Variants in SCAPER observed in about 807,000 individuals in gnomAD.
SCAPER encodes the protein S-phase cyclin A associated protein in the ER.
In SCAPER, 98 loss-of-function variants were observed where a neutral mutation model predicts 182.2. That is an observed-to-expected ratio of 0.54 (90% CI 0.46 to 0.64). The LOEUF (loss-of-function observed/expected upper bound fraction) is 0.64, where lower values mean the gene tolerates loss of function less well. Among genes scored for constraint, SCAPER ranks in the 30% least tolerant of loss-of-function variants. The pLI, the probability that SCAPER is intolerant of heterozygous loss-of-function variation, is 0.00. For synonymous variants in SCAPER, 605 were observed against 564.6 expected (o/e 1.07, Z -1.01); for missense variants, 1,432 against 1,690.0 (o/e 0.85, Z 2.68).
chr15:76,626,586 G>A (rs1337971062), intron 21 of SCAPER, among the ~76,000 whole-genome samples: 1 of 152,044 alleles, frequency 6.6e-6, no homozygotes, highest in Non-Finnish European at 1.5e-5. Context: ...GTGTGGTGGC[G>A]CACGCCTGTA....
chr15:76,574,235 T>A lies in SCAPER; in HGVS notation c.2761A>T (p.Ser921Cys). 1.2e-6 allele frequency: 2 copies of A among 1,611,986 alleles called. No individual in the cohort carries two copies. Among genetic ancestry groups the A allele is most frequent in the Non-Finnish European group, 1.7e-6 (2 of 1,179,010 alleles). The change falls in exon 23 of 32, where the codon AGT becomes TGT. Residue 921 changes from serine to cysteine, a missense_variant. Ser to Cys is a moderately radical substitution (Grantham distance 112, BLOSUM62 -1). This residue lies in a region of SCAPER where 718 missense variants were observed against 799.7 expected (regional missense o/e 0.90). Transcript: ENST00000563290. ...DLLKQVQVQDSGSWANNKVSA... is the reference protein window; with the variant it reads ...DLLKQVQVQDCGSWANNKVSA... ...ACTTTATTGTTTGCCCATGAGCCACTGTCTTGAACTTGTACTTGTTTTAGA... is the reference window on the plus strand; with the variant it reads ...ACTTTATTGTTTGCCCATGAGCCACAGTCTTGAACTTGTACTTGTTTTAGA...
intron 27 of SCAPER, among the ~76,000 whole-genome samples, chr15:76,398,834 T>C (rs1208942217): frequency 6.6e-6 from 1 of 152,250 alleles, no homozygotes; most frequent in Non-Finnish European, 1.5e-5. Flanking sequence ...GTTGTAAGGA[T>C]TGCAAACTCT....
chr15:76,700,152 C>T (rs1011151995), intron 20 of SCAPER, among the ~76,000 whole-genome samples: 2 of 152,168 alleles, frequency 1.3e-5, no homozygotes, highest in Admixed American at 6.5e-5. Flanking sequence ...CCAGAGTGCT[C>T]GGATTACACT....
intron 20 of SCAPER, among the ~76,000 whole-genome samples, chr15:76,694,703 C>T (rs2058560915): frequency 1.3e-5 from 2 of 151,696 alleles, no homozygotes; most frequent in South Asian, 4.2e-4. Flanking sequence ...GCAACATGTT[C>T]CCAGGAATAA....
chr15:76,661,291 G>T (rs938968408), intron 21 of SCAPER, among the ~76,000 whole-genome samples: 2 of 151,856 alleles, frequency 1.3e-5, no homozygotes, highest in Non-Finnish European at 2.9e-5. Context: ...TGATGAAATC[G>T]CCAAAAGCAA....
intron 25 of SCAPER, among the ~76,000 whole-genome samples, chr15:76,455,364 G>A (rs1469863771): frequency 6.6e-6 from 1 of 152,192 alleles, no homozygotes; most frequent in African/African-American, 2.4e-5. Flanking sequence ...ATTTCTAAAT[G>A]TATATATGGA....
At chr15:76,356,814 C>A (rs948725340) in intron 29 of SCAPER, among the ~76,000 whole-genome samples, 7 of 152,174 alleles carry the variant, frequency 4.6e-5, no homozygotes, top group Non-Finnish European at 8.8e-5. Flanking sequence ...CTGTAGATTT[C>A]TTTGGTGGCC....
intron 17 of SCAPER, among the ~76,000 whole-genome samples, chr15:76,728,118 T>C (rs147201201): frequency 4.6e-4 from 70 of 152,092 alleles, no homozygotes; most frequent in African/African-American, 1.6e-3. Context: ...TGTTTTTTCC[T>C]GTGTCTTTAA....
intron 17 of SCAPER, among the ~76,000 whole-genome samples, chr15:76,718,753 G>A (rs1455721327): frequency 1.3e-5 from 2 of 152,006 alleles, no homozygotes; most frequent in African/African-American, 2.4e-5. Context: ...GTAAAGAATC[G>A]CCATAGACAT....
At chr15:76,871,105 A>C (rs1485465306) in intron 2 of SCAPER, among the ~76,000 whole-genome samples, 8 of 152,164 alleles carry the variant, frequency 5.3e-5, no homozygotes, top group Non-Finnish European at 1.2e-4. Context: ...ATGTGAAAAT[A>C]TCTATTTAAA....
chr15:76,446,318 G>A (rs755610473), intron 25 of SCAPER, among the ~76,000 whole-genome samples: 1 of 152,138 alleles, frequency 6.6e-6, no homozygotes, highest in Admixed American at 6.5e-5. Context: ...AAACAAGCGT[G>A]ATGGAAGTTT....
Position 76,348,681 on chromosome 15 carries a change from C to A in SCAPER, c.4155G>T (p.Gln1385His). ...AAAACTGTCGAGCTTCTTCCCAGGCCTGCTGAGGAAATCTGTTAGCCAGCT... is the reference window on the plus strand; with the variant it reads ...AAAACTGTCGAGCTTCTTCCCAGGCATGCTGAGGAAATCTGTTAGCCAGCT... ...YLELANRFPQ[Q>H]AWEEARQFFL... The change falls in exon 32 of 32, where the codon CAG becomes CAT. Residue 1385 changes from glutamine (Q) to histidine (H), a missense_variant. Coordinates refer to ENST00000563290, the MANE Select transcript of SCAPER (RefSeq NM_020843.4). The A allele has an allele frequency of 6.4e-7, 1 of 1,556,536 alleles. No individual in the cohort carries two copies. The highest frequency in any genetic ancestry group is 1.9e-5 in the Admixed American group (1 of 51,814).
intron 23 of SCAPER, among the ~76,000 whole-genome samples, chr15:76,515,366 GAT>G (rs763985218): frequency 1.3e-5 from 2 of 152,182 alleles, no homozygotes; most frequent in Non-Finnish European, 2.9e-5. Context: ...GCTGTTGGGA[GAT>G]AGATGACCAA....
At chr15:76,632,475 G>A (rs1287878142) in intron 21 of SCAPER, among the ~76,000 whole-genome samples, 1 of 152,148 alleles carries the variant, frequency 6.6e-6, no homozygotes, top group African/African-American at 2.4e-5. Context: ...TTACAGGCAT[G>A]AGCCACTACA....
At chr15:76,352,059 T>TG (rs766280653) in intron 30 of SCAPER, among the ~76,000 whole-genome samples, 1 of 152,212 alleles carries the variant, frequency 6.6e-6, no homozygotes, top group Non-Finnish European at 1.5e-5. Flanking sequence ...TATAAGTCAT[T>TG]GTCTATGCAG....
intron 5 of SCAPER, among the ~76,000 whole-genome samples, chr15:76,823,326 G>A (rs2151662849): frequency 6.6e-6 from 1 of 152,106 alleles, no homozygotes; most frequent in South Asian, 2.1e-4. Context: ...CAAGCATGGT[G>A]GCAGGCCCCT....
chr15:76,655,689 C>T (rs1231838007), intron 21 of SCAPER, among the ~76,000 whole-genome samples: 2 of 152,190 alleles, frequency 1.3e-5, no homozygotes, highest in African/African-American at 2.4e-5. Flanking sequence ...ACAAAGTAAA[C>T]TCATCAGGCT....
intron 26 of SCAPER, among the ~76,000 whole-genome samples, chr15:76,415,786 G>C (rs2045604367): frequency 6.6e-6 from 1 of 152,162 alleles, no homozygotes; most frequent in African/African-American, 2.4e-5. Flanking sequence ...AAGGGGAAAA[G>C]ATAGGGAAGG....
chr15:76,392,574 C>CAT (rs1358353966), intron 27 of SCAPER, among the ~76,000 whole-genome samples: 1 of 151,720 alleles, frequency 6.6e-6, no homozygotes, highest in African/African-American at 2.4e-5. Context: ...CGTCTACACA[C>CAT]ACACACACAC....
Sources: gnomAD v4.1 joint callset for allele counts (sites outside exome capture counted in the v4.1 genomes callset) on GRCh38, gnomAD v4.1.1 for gene constraint, gnomAD v4.1.1 regional missense constraint, MANE v1.5 for transcripts, NCBI Gene and HGNC (gene_info 2026-07-23, HGNC 2026-07-21) for gene names.